Variants in PRDM14 observed in about 807,000 individuals in gnomAD.
PRDM14 encodes the protein PR domain zinc finger protein 14.
A neutral mutation model predicts 48.0 loss-of-function variants in PRDM14; 16 were observed. That is an observed-to-expected ratio of 0.33 (90% CI 0.23 to 0.51). The LOEUF (loss-of-function observed/expected upper bound fraction) is 0.51. Among genes scored for constraint, PRDM14 ranks in the 20% least tolerant of loss-of-function variants. The pLI, the probability that PRDM14 is intolerant of heterozygous loss-of-function variation, is 0.97. For missense variants in PRDM14, 566 were observed against 719.6 expected, an observed-to-expected ratio of 0.79 and a Z score of 2.44; for synonymous variants, 264 against 276.6, an observed-to-expected ratio of 0.95 and a Z score of 0.45.
Position 70,068,527 on chromosome 8 carries a change from C to G in PRDM14, c.706G>C (p.Asp236His), listed in dbSNP as rs368118362. ...TTATCCAGAGTTTGAGGAAGAGAAT[C>G]AGATCCTAGCAAAAGGCAGGTTAAA... is the stretch of plus-strand genomic sequence containing the variant. ...LLVPPDSSGS[D>H]SLPQTLDKDS... Residue 236 changes from aspartate (D) to histidine (H), a missense_variant, in exon 3 of 8, where the codon GAT becomes CAT. By Grantham distance (81) the Asp-to-His change is moderately conservative. This residue lies in a region of PRDM14 where 410 missense variants were observed against 424.6 expected (regional missense o/e 0.97). Transcript: ENST00000276594. 14 of 1,614,050 alleles carry G rather than the reference C, an allele frequency of 8.7e-6. No individual in the cohort carries two copies. Among genetic ancestry groups the G allele is most frequent in the African/African-American group, 1.3e-5 (1 of 75,058 alleles).
chr8:70,070,895 C>T (rs948461544), intron 1 of PRDM14, among the ~76,000 whole-genome samples: 1 of 152,182 alleles, frequency 6.6e-6, no homozygotes, highest in Admixed American at 6.5e-5. Context: ...GGTCATGACT[C>T]AGAAATTAAA....
intron 6 of PRDM14, among the ~76,000 whole-genome samples, chr8:70,057,810 T>C (rs1805501202): frequency 6.6e-6 from 1 of 152,226 alleles, no homozygotes; most frequent in Non-Finnish European, 1.5e-5. Context: ...ACTGTAAATG[T>C]ATTCAAATTT....
At chr8:70,055,488 G>T (rs895942422) in intron 6 of PRDM14, 87 bp from the exon 7 acceptor site, 3 of 702,756 alleles carry the variant, frequency 4.3e-6, no homozygotes, top group South Asian at 1.8e-5. Flanking sequence ...GGTTAGAGAA[G>T]AACTCTTTTC....
chr8:70,051,899 G>C lies in PRDM14; in HGVS notation c.*178C>G, dbSNP rs1805391501. 2 of 534,000 alleles carry C rather than the reference G, an allele frequency of 3.7e-6. No individual in the cohort carries two copies. Among genetic ancestry groups the C allele is most frequent in the Admixed American group, 3.1e-5 (1 of 31,772 alleles). The allele number at this position is 534,000 out of a possible 1,614,324, so 33.1% of individuals were successfully genotyped here. ...CCATCCTGCCACCTCGACCTCCTGAGTGGCTGGAACCACAGGCATGTGCCA... is the reference window on the plus strand; with the variant it reads ...CCATCCTGCCACCTCGACCTCCTGACTGGCTGGAACCACAGGCATGTGCCA... On this transcript the variant is annotated 3_prime_UTR_variant, in exon 8 of 8. Transcript: ENST00000276594.
At position 70,069,591 on chromosome 8, in the gene PRDM14, G is replaced by A. The variant is rs1431964565; in HGVS notation, c.270C>T (p.Tyr90=). 4.4e-6 allele frequency: 7 copies of A among 1,596,376 alleles called. 1 individual carries two copies. The South Asian group carries it at 7.9e-5, about 18-fold the overall frequency. Residue 90 remains tyrosine (Y), a synonymous_variant, in exon 2 of 8, where the codon TAC becomes TAT. Coordinates refer to ENST00000276594, the MANE Select transcript of PRDM14 (RefSeq NM_024504.4). ...PGLGLQREPL[Y]DLPWYSKLPP... ...GCAGCTTGCTGTACCAGGGCAGATC[G>A]TAGAGAGGCTCCCTCTGTAGGCCCA... is the stretch of plus-strand genomic sequence containing the variant.
At chr8:70,053,941 T>C (rs1323219222) in intron 7 of PRDM14, among the ~76,000 whole-genome samples, 1 of 152,216 alleles carries the variant, frequency 6.6e-6, no homozygotes, top group South Asian at 2.1e-4. Context: ...ACCCACGCTG[T>C]CCATCTTGGA....
rs1397743336 is a variant in PRDM14 at position 70,069,220 on chromosome 8, T to C, written c.641A>G (p.Glu214Gly). The change falls in exon 2 of 8, where the codon GAG becomes GGG. Residue 214 changes from glutamate to glycine, a missense_variant. Glu to Gly is a moderately conservative substitution (Grantham distance 98). Around this residue, in one of 3 missense-constraint regions of PRDM14, gnomAD observed 410 missense variants for 424.6 expected, o/e 0.97. Coordinates refer to ENST00000276594, the MANE Select transcript of PRDM14 (RefSeq NM_024504.4). ...CGCATGGTGCAGGCTGGCTGGGTGC[T>C]CCAGGCTGGGAGTGACCCCGTACAG... is the stretch of plus-strand genomic sequence containing the variant. ...FVLYGVTPSL[E>G]HPASLHHAIS... is the part of the protein sequence containing the mutation. 1 of 1,573,188 alleles carries C rather than the reference T, an allele frequency of 6.4e-7. No individual in the cohort carries two copies. Among genetic ancestry groups the C allele is most frequent in the South Asian group, 1.2e-5 (1 of 82,518 alleles).
At chr8:70,054,423 T>C (rs974944724) in intron 7 of PRDM14, among the ~76,000 whole-genome samples, 11 of 152,166 alleles carry the variant, frequency 7.2e-5, no homozygotes, top group African/African-American at 2.7e-4. Flanking sequence ...CAGGAGTTCA[T>C]GGACTTGCTC....
intron 6 of PRDM14, 25 bp from the exon 7 acceptor site, chr8:70,055,426 T>G (rs767822810): frequency 1.6e-6 from 2 of 1,289,440 alleles, no homozygotes; most frequent in East Asian, 2.3e-5. Context: ...AAAAATATAG[T>G]TGAAATCACA....
chr8:70,051,998 T>C lies in PRDM14; in HGVS notation c.*79A>G, dbSNP rs563431702. The C allele has an allele frequency of 1.3e-5, 13 of 984,884 alleles. No homozygotes were observed. In the East Asian group the frequency reaches 3.2e-4, roughly 24 times the overall value. The allele number at this position is 984,884 out of a possible 1,614,324, so 61.0% of individuals were successfully genotyped here. A position where few individuals can be genotyped will look rare whatever the true frequency, so the allele number is the denominator to read the frequency against. On this transcript the variant is annotated 3_prime_UTR_variant, in exon 8 of 8. Transcript: ENST00000276594. ...CATGTTGCCCAGGCTGGTCTCGAACTCCTGGACTTGAGTGATCCACCCACC... is the reference window on the plus strand; with the variant it reads ...CATGTTGCCCAGGCTGGTCTCGAACCCCTGGACTTGAGTGATCCACCCACC...
At chr8:70,066,586 C>A in intron 4 of PRDM14, 81 bp from the exon 5 acceptor site, 1 of 1,086,176 alleles carries the variant, frequency 9.2e-7, no homozygotes, top group Non-Finnish European at 1.3e-6. Flanking sequence ...ATACTTGTAA[C>A]CTAAATATCA....
At chr8:70,052,989 T>C (rs909106968) in intron 7 of PRDM14, among the ~76,000 whole-genome samples, 1 of 149,006 alleles carries the variant, frequency 6.7e-6, no homozygotes, top group Non-Finnish European at 1.5e-5. Context: ...GTCCCAGCTA[T>C]TTGGAAAGCT....
In PRDM14 at chr8:70,058,304, C is replaced by T. The variant is rs148025145; in HGVS notation, c.1386+336G>A. 9.0e-4 allele frequency among the ~76,000 whole-genome samples: 137 copies of T among 152,292 alleles called. 1 individual carries two copies. In the East Asian group the frequency reaches 0.025, roughly 27 times the overall value. ...GCTCGACTCTTTCCTGCCCAACTAA[C>T]CCTGCCACCAGTATAAATCAGACAC... On this transcript the variant is annotated intron_variant, in intron 6 of 7. Transcript: ENST00000276594.
chr8:70,068,352 G>A lies in PRDM14; in HGVS notation c.790C>T (p.Pro264Ser). 6.2e-7 allele frequency: 1 copy of A among 1,614,222 alleles called. No homozygotes were observed. Among genetic ancestry groups the A allele is most frequent in the Non-Finnish European group, 8.5e-7 (1 of 1,180,046 alleles). ...CTACTGCAGAACACACCAAAATGTG[G>A]GACTTCACCAAACACCGTCTGCATG... is the stretch of plus-strand genomic sequence containing the variant. ...CLMQTVFGEV[P>S]HFGVFCSSFI... The change falls in exon 4 of 8, where the codon CCA (proline) becomes TCA (serine). Residue 264 changes from proline to serine, a missense_variant. Physicochemically the swap from Pro to Ser is moderately conservative, Grantham distance 74. Around this residue, in one of 3 missense-constraint regions of PRDM14, gnomAD observed 410 missense variants for 424.6 expected, o/e 0.97. Transcript: ENST00000276594.
chr8:70,058,760 G>C lies in PRDM14; in HGVS notation c.1266C>G (p.Thr422=). The C allele has an allele frequency of 6.2e-7, 1 of 1,613,796 alleles. No individual in the cohort carries two copies. Among genetic ancestry groups the C allele is most frequent in the Non-Finnish European group, 8.5e-7 (1 of 1,179,774 alleles). The change falls in exon 6 of 8, where the codon ACC becomes ACG. Residue 422 remains threonine (T), a synonymous_variant. Coordinates refer to ENST00000276594, the MANE Select transcript of PRDM14 (RefSeq NM_024504.4). ...KYYRDKHLKY[T]PCVDKGDRKF... ...TCCTATCGCCCTTGTCCACACAGGGGGTGTACTTGAGGTGCTTATCTCTGT... is the reference window on the plus strand; with the variant it reads ...TCCTATCGCCCTTGTCCACACAGGGCGTGTACTTGAGGTGCTTATCTCTGT...
intron 6 of PRDM14, among the ~76,000 whole-genome samples, chr8:70,056,524 C>T (rs961467242): frequency 6.6e-6 from 1 of 152,044 alleles, no homozygotes; most frequent in African/African-American, 2.4e-5. Context: ...CTCTGTTGCC[C>T]AGGCTGGAGT....
Position 70,052,003 on chromosome 8 carries a change from G to T in PRDM14, c.*74C>A. The T allele has an allele frequency of 3.9e-6, 4 of 1,037,716 alleles. No homozygotes were observed. The highest frequency in any genetic ancestry group is 5.8e-6 in the Non-Finnish European group (4 of 694,606). The allele number at this position is 1,037,716 out of a possible 1,614,324, so 64.3% of individuals were successfully genotyped here. A position where few individuals can be genotyped will look rare whatever the true frequency, so the allele number is the denominator to read the frequency against. ...TGCCCAGGCTGGTCTCGAACTCCTGGACTTGAGTGATCCACCCACCTCTGC... is the reference window on the plus strand; with the variant it reads ...TGCCCAGGCTGGTCTCGAACTCCTGTACTTGAGTGATCCACCCACCTCTGC... On this transcript the variant is annotated 3_prime_UTR_variant, in exon 8 of 8. Coordinates refer to ENST00000276594, the MANE Select transcript of PRDM14 (RefSeq NM_024504.4).
At chr8:70,059,235 G>A (rs1024329704) in intron 5 of PRDM14, among the ~76,000 whole-genome samples, 4 of 151,496 alleles carry the variant, frequency 2.6e-5, no homozygotes, top group African/African-American at 4.9e-5. Context: ...GATTACATGC[G>A]TGAGCCACTG....
At chr8:70,069,990 G>A in intron 1 of PRDM14, 106 bp from the exon 2 acceptor site, 1 of 659,558 alleles carries the variant, frequency 1.5e-6, no homozygotes, top group Non-Finnish European at 2.6e-6. Flanking sequence ...CAGATCCAAG[G>A]GAACAGGATA....
Sources: allele counts gnomAD v4.1 joint callset (sites outside exome capture counted in the v4.1 genomes callset), GRCh38; gene constraint gnomAD v4.1.1; regional missense constraint gnomAD v4.1.1; transcripts MANE v1.5; gene names NCBI Gene and HGNC (gene_info 2026-07-23, HGNC 2026-07-21).